Variants in ROBO2 observed in about 807,000 individuals in gnomAD.
ROBO2 encodes the protein roundabout guidance receptor 2, also known as roundabout homolog 2.
A neutral mutation model predicts 160.8 loss-of-function variants in ROBO2; 53 were observed. The ratio of observed to expected loss-of-function variants is 0.33; its 90% CI spans 0.26 to 0.41. The LOEUF is 0.41. Among genes scored for constraint, ROBO2 ranks in the 10% least tolerant of loss-of-function variants. The pLI, the probability that ROBO2 is intolerant of heterozygous loss-of-function variation, is 1.00. For synonymous variants in ROBO2, 664 were observed against 611.7 expected (o/e 1.09, Z -1.26); for missense variants, 1,577 against 1,722.4 (o/e 0.92, Z 1.49).
At chr3:77,370,494 G>C (rs1359869574) in intron 2 of ROBO2, among the ~76,000 whole-genome samples, 2 of 152,088 alleles carry the variant, frequency 1.3e-5, no homozygotes, top group Non-Finnish European at 2.9e-5. Context: ...GCTTTTTGCT[G>C]CCTCCTTCTT....
At chr3:77,281,108 G>A (rs563185896) in intron 2 of ROBO2, among the ~76,000 whole-genome samples, 11 of 152,082 alleles carry the variant, frequency 7.2e-5, no homozygotes, top group Non-Finnish European at 1.5e-4. Context: ...TATGAGCCAC[G>A]CTTACACTTT....
intron 2 of ROBO2, among the ~76,000 whole-genome samples, chr3:77,201,291 G>A (rs1397708688): frequency 1.3e-5 from 2 of 152,060 alleles, no homozygotes; most frequent in Non-Finnish European, 2.9e-5. Flanking sequence ...TTTTAGTGAG[G>A]GAATACCTGA....
chr3:76,718,967 T>C (rs1032217497), intron 2 of ROBO2, among the ~76,000 whole-genome samples: 34 of 152,172 alleles, frequency 2.2e-4, no homozygotes, highest in African/African-American at 7.7e-4. Context: ...AGCACGGACA[T>C]ATTTTTCAAG....
Position 77,640,152 on chromosome 3 carries a change from G to C in ROBO2, c.3935-4552G>C, listed in dbSNP as rs1318778149. Among the ~76,000 whole-genome samples the C allele has an allele frequency of 1.9e-4, 23 of 123,296 alleles. No individual in the cohort carries two copies. In the South Asian group the frequency reaches 4.1e-3, roughly 22 times the overall value. The allele number at this position is 123,296 out of a possible 152,430, so 80.9% of individuals were successfully genotyped here. ...TTTGAGACGGAGTCTCGCTCTATCCGCCAGGCTGGAGTACAGTGGGGCGAT... is the reference window on the plus strand; with the variant it reads ...TTTGAGACGGAGTCTCGCTCTATCCCCCAGGCTGGAGTACAGTGGGGCGAT... On this transcript the variant is annotated intron_variant, in intron 24 of 25. Coordinates refer to ENST00000461745, the Ensembl canonical transcript of ROBO2.
Position 76,855,137 on chromosome 3 carries a change from G to A in ROBO2, c.110-242877G>A, listed in dbSNP as rs369216957. On this transcript the variant is annotated intron_variant, in intron 2 of 26. Coordinates refer to the ROBO2 transcript ENST00000487694. The stretch of plus-strand genomic sequence containing the variant: ...CATGGCTACATAAGTAACCTAACAT[G>A]CCTAAGCAAACATTTTATATGGTTT... 6.6e-5 allele frequency among the ~76,000 whole-genome samples: 10 copies of A among 152,248 alleles called. No individual in the cohort carries two copies. The East Asian group carries it at 1.2e-3, about 18-fold the overall frequency.
At chr3:76,325,325 T>C (rs550437955) in intron 2 of ROBO2, among the ~76,000 whole-genome samples, 1 of 152,338 alleles carries the variant, frequency 6.6e-6, no homozygotes, top group African/African-American at 2.4e-5. Context: ...TATTGTACAG[T>C]AGATTAAACT....
intron 2 of ROBO2, among the ~76,000 whole-genome samples, chr3:77,270,991 T>C (rs1329212916): frequency 6.6e-6 from 1 of 151,748 alleles, no homozygotes; most frequent in Non-Finnish European, 1.5e-5. Context: ...AAAGTGATAA[T>C]AATTTTTATG....
chr3:76,936,320 C>CAT (rs2077698311), intron 2 of ROBO2, among the ~76,000 whole-genome samples: 3 of 152,198 alleles, frequency 2.0e-5, no homozygotes, highest in Non-Finnish European at 4.4e-5. Context: ...GGTAATTCTT[C>CAT]ATATGTCTCC....
chr3:76,380,483 T>C (rs1193615825), intron 2 of ROBO2, among the ~76,000 whole-genome samples: 3 of 152,156 alleles, frequency 2.0e-5, no homozygotes. Context: ...TTTTCTTCAG[T>C]GTCTCCCAGC....
intron 2 of ROBO2, among the ~76,000 whole-genome samples, chr3:76,282,513 T>C (rs188702010): frequency 7.1e-4 from 108 of 152,234 alleles, no homozygotes; most frequent in African/African-American, 2.4e-3. Context: ...GAATGCATAA[T>C]GTTTATAAAT....
At chr3:76,744,166 C>A (rs2093846703) in intron 2 of ROBO2, among the ~76,000 whole-genome samples, 1 of 152,118 alleles carries the variant, frequency 6.6e-6, no homozygotes, top group Non-Finnish European at 1.5e-5. Context: ...GCTATCATAA[C>A]AAAGTATTAC....
intron 2 of ROBO2, among the ~76,000 whole-genome samples, chr3:76,288,887 A>C (rs1236521335): frequency 6.6e-6 from 1 of 152,088 alleles, no homozygotes. Flanking sequence ...TTTTTAATCC[A>C]GTCCACTCTT....
intron 2 of ROBO2, among the ~76,000 whole-genome samples, chr3:76,411,159 A>C (rs928023166): frequency 6.6e-6 from 1 of 152,180 alleles, no homozygotes; most frequent in Non-Finnish European, 1.5e-5. Context: ...AAGAGCCAAA[A>C]TTATAAATAG....
At chr3:76,116,837 G>GCCC (rs1260173849) in intron 2 of ROBO2, among the ~76,000 whole-genome samples, 1 of 152,096 alleles carries the variant, frequency 6.6e-6, no homozygotes, top group Non-Finnish European at 1.5e-5. Flanking sequence ...TAATTTAGCT[G>GCCC]CATATTTTTT....
rs772069288 is a variant in ROBO2 at position 77,634,882 on chromosome 3, C to G, written c.3773C>G (p.Thr1258Ser). ...ATTTTCATTTTAGGAAAAGCCTTTA[C>G]CTCCTCTCAAAGACCTCGACCTACC... is the stretch of plus-strand genomic sequence containing the variant. The change falls in exon 24 of 26, where the codon ACC becomes AGC. Residue 1258 changes from threonine (T) to serine (S), a missense_variant. Thr to Ser is a moderately conservative substitution (Grantham distance 58). This residue lies in a region of ROBO2 where 637 missense variants were observed against 586.9 expected (regional missense o/e 1.09). Coordinates refer to ENST00000461745, the Ensembl canonical transcript of ROBO2. The G allele has an allele frequency of 1.9e-6, 3 of 1,613,994 alleles. No homozygotes were observed. The Admixed American group carries it at 5.0e-5, about 27-fold the overall frequency.
rs534446999 is a variant in ROBO2, at chr3:76,545,528, T to C, written c.110-552486T>C. 3.9e-5 allele frequency among the ~76,000 whole-genome samples: 6 copies of C among 152,112 alleles called. No individual in the cohort carries two copies. In the South Asian group the frequency reaches 1.2e-3, roughly 32 times the overall value. ...CTTGAGCCTGAAGAATTATGGATTC[T>C]GTCTTCAACAGCCCTGCTGTTAATG... On this transcript the variant is annotated intron_variant, in intron 2 of 26. Coordinates refer to the ROBO2 transcript ENST00000487694.
chr3:77,123,742 A>C (rs2075010954), intron 2 of ROBO2, among the ~76,000 whole-genome samples: 3 of 95,568 alleles, frequency 3.1e-5, no homozygotes. Flanking sequence ...GTATCTAGAT[A>C]TATAATCTAT....
chr3:76,273,188 A>G (rs987212857), intron 2 of ROBO2, among the ~76,000 whole-genome samples: 1 of 141,520 alleles, frequency 7.1e-6, no homozygotes, highest in Non-Finnish European at 1.5e-5. Context: ...ATTTACATGG[A>G]TAAGTGTTAG....
chr3:77,592,033 A>C (rs1477631945), intron 17 of ROBO2, among the ~76,000 whole-genome samples: 2 of 152,194 alleles, frequency 1.3e-5, no homozygotes, highest in Non-Finnish European at 2.9e-5. Context: ...CTACTTTTCA[A>C]AATAGAACAA....
Sources: allele counts gnomAD v4.1 joint callset (sites outside exome capture counted in the v4.1 genomes callset), GRCh38; gene constraint gnomAD v4.1.1; regional missense constraint gnomAD v4.1.1; transcripts MANE v1.5; gene names NCBI Gene and HGNC (gene_info 2026-07-23, HGNC 2026-07-21).